MYO6: variants seen among roughly 807,000 people sequenced by gnomAD.
MYO6 encodes myosin VI, also known as unconventional myosin-VI.
Under a neutral mutation model 178.7 loss-of-function variants are expected in MYO6, and 74 were observed. The observed-to-expected ratio is 0.41, with a 90% confidence interval of 0.34 to 0.50. The LOEUF is 0.50. Ranked by LOEUF, MYO6 falls within the 20% of genes least tolerant of loss-of-function variation. The probability of loss-of-function intolerance (pLI) is 0.09; values close to 1 mark genes in which losing one functional copy is unlikely to be tolerated. For synonymous variants in MYO6, 477 were observed against 504.6 expected (o/e 0.95, Z 0.73); for missense variants, 1,330 against 1,547.4 (o/e 0.86, Z 2.36).
chr6:75,830,153 G>T (rs1772929641), intron 4 of MYO6, among the ~76,000 whole-genome samples: 1 of 152,134 alleles, frequency 6.6e-6, no homozygotes, highest in Non-Finnish European at 1.5e-5. Flanking sequence ...GCAGAGGTAG[G>T]TGGGAAGAGA....
At chr6:75,901,986 G>A (rs188469224) in intron 30 of MYO6, among the ~76,000 whole-genome samples, 2 of 152,306 alleles carry the variant, frequency 1.3e-5, no homozygotes, top group Admixed American at 6.5e-5. Flanking sequence ...AGATAATCAT[G>A]TGGTTTTTGT....
At chr6:75,749,460 C>T (rs1420782391) in intron 1 of MYO6, 37 bp downstream of exon 1, 1 of 152,290 alleles carries the variant, frequency 6.6e-6, no homozygotes, top group Admixed American at 6.5e-5. Context: ...GGCGTCGGCG[C>T]CGGGGTCTCG....
intron 1 of MYO6, among the ~76,000 whole-genome samples, chr6:75,779,486 A>T (rs1766745127): frequency 6.6e-6 from 1 of 152,008 alleles, no homozygotes; most frequent in African/African-American, 2.4e-5. Context: ...TGGGTGACAG[A>T]GTGAGATTCC....
At chr6:75,907,093 C>G (rs1378853348) in intron 30 of MYO6, among the ~76,000 whole-genome samples, 3 of 152,122 alleles carry the variant, frequency 2.0e-5, no homozygotes, top group African/African-American at 7.2e-5. Context: ...TGTAAACATC[C>G]AGAGGCCCAG....
At chr6:75,855,916 T>C (rs190771967) in intron 12 of MYO6, among the ~76,000 whole-genome samples, 69 of 152,278 alleles carry the variant, frequency 4.5e-4, no homozygotes, top group African/African-American at 1.6e-3. Context: ...CTTTATCTCT[T>C]ACTAATAAGA....
At chr6:75,790,700 C>T (rs530458811) in intron 1 of MYO6, among the ~76,000 whole-genome samples, 3 of 152,074 alleles carry the variant, frequency 2.0e-5, no homozygotes, top group Middle Eastern at 3.4e-3. Context: ...TCTCATTTTT[C>T]GGACCATGTC....
chr6:75,810,382 T>C (rs1420638680), intron 1 of MYO6, among the ~76,000 whole-genome samples: 1 of 152,226 alleles, frequency 6.6e-6, no homozygotes, highest in African/African-American at 2.4e-5. Flanking sequence ...GGGTCTGATA[T>C]CTGGCATGTG....
At chr6:75,906,844 C>T (rs1397598570) in intron 30 of MYO6, among the ~76,000 whole-genome samples, 1 of 152,148 alleles carries the variant, frequency 6.6e-6, no homozygotes, top group Non-Finnish European at 1.5e-5. Context: ...AGTCATGATA[C>T]AGCACTTGTG....
chr6:75,805,021 A>ATATATATATTTTT (rs1252912172), intron 1 of MYO6, among the ~76,000 whole-genome samples: 16 of 77,282 alleles, frequency 2.1e-4, no homozygotes, highest in African/African-American at 8.1e-4. Context: ...ATATATATAT[A>ATATATATATTTTT]TTTTTTTTTT....
chr6:75,779,224 G>T (rs991082799), intron 1 of MYO6, among the ~76,000 whole-genome samples: 2 of 152,038 alleles, frequency 1.3e-5, no homozygotes, highest in African/African-American at 4.8e-5. Context: ...AAACGAGGCC[G>T]GGTGCAGTGT....
At chr6:75,902,851 T>G (rs1372828243) in intron 30 of MYO6, among the ~76,000 whole-genome samples, 16 of 151,812 alleles carry the variant, frequency 1.1e-4, no homozygotes, top group Non-Finnish European at 1.3e-4. Context: ...CTGCTTTCTC[T>G]TGTGGGCATT....
chr6:75,903,355 G>T (rs955371377), intron 30 of MYO6, among the ~76,000 whole-genome samples: 10 of 151,948 alleles, frequency 6.6e-5, no homozygotes, highest in African/African-American at 2.4e-4. Context: ...TAATGTGTGG[G>T]AGTCTAAGTC....
intron 1 of MYO6, among the ~76,000 whole-genome samples, chr6:75,787,187 G>A (rs1043667958): frequency 2.0e-5 from 3 of 152,170 alleles, no homozygotes; most frequent in Admixed American, 6.5e-5. Context: ...TGCTAGCAAG[G>A]ATGTCGAACA....
chr6:75,813,071 A>G (rs1770850545), intron 1 of MYO6, among the ~76,000 whole-genome samples: 1 of 152,320 alleles, frequency 6.6e-6, no homozygotes, highest in African/African-American at 2.4e-5. Flanking sequence ...TAGTTTTAGA[A>G]TATTCTGTGT....
chr6:75,850,946 A>T (rs925833676), intron 11 of MYO6, among the ~76,000 whole-genome samples: 2 of 152,122 alleles, frequency 1.3e-5, no homozygotes, highest in Non-Finnish European at 2.9e-5. Context: ...GTGCATTAAA[A>T]TTTTTTGTTT....
intron 1 of MYO6, among the ~76,000 whole-genome samples, chr6:75,810,931 C>T (rs529223432): frequency 3.3e-5 from 5 of 152,220 alleles, no homozygotes; most frequent in Admixed American, 1.3e-4. Flanking sequence ...TGCCTGAGCC[C>T]AGGAGTTCGA....
At chr6:75,855,673 G>A (rs1426835993) in intron 12 of MYO6, among the ~76,000 whole-genome samples, 1 of 152,098 alleles carries the variant, frequency 6.6e-6, no homozygotes, top group Non-Finnish European at 1.5e-5. Flanking sequence ...CTTTCCTTAT[G>A]TTTAGGATTC....
chr6:75,790,263 A>G (rs986066257), intron 1 of MYO6, among the ~76,000 whole-genome samples: 2 of 152,186 alleles, frequency 1.3e-5, no homozygotes, highest in African/African-American at 4.8e-5. Context: ...CAAAACTACT[A>G]TACCAATTTA....
chr6:75,875,460 G>T (rs1198749207), intron 20 of MYO6, among the ~76,000 whole-genome samples: 1 of 151,978 alleles, frequency 6.6e-6, no homozygotes, highest in Non-Finnish European at 1.5e-5. Flanking sequence ...AATTTTTTTT[G>T]TACAGACAGG....
Sources: gnomAD v4.1 joint callset for allele counts (sites outside exome capture counted in the v4.1 genomes callset) on GRCh38, gnomAD v4.1.1 for gene constraint, MANE v1.5 for transcripts, NCBI Gene and HGNC (gene_info 2026-07-23, HGNC 2026-07-21) for gene names.